The following TM9SF2 variants were observed in gnomAD, a reference collection of about 807,000 sequenced individuals.
TM9SF2 encodes 76 kDa membrane protein.
A neutral mutation model predicts 84.9 loss-of-function variants in TM9SF2; 13 were observed. The ratio of observed to expected loss-of-function variants is 0.15; its 90% CI spans 0.10 to 0.24. TM9SF2 has a LOEUF of 0.24. Ranked by LOEUF, TM9SF2 falls within the 10% of genes least tolerant of loss-of-function variation. The probability of loss-of-function intolerance (pLI) is 1.00; values close to 1 mark genes in which losing one functional copy is unlikely to be tolerated. For missense variants in TM9SF2, 562 were observed against 818.5 expected (o/e 0.69, Z 3.82); for synonymous variants, 273 against 285.8 (o/e 0.96, Z 0.45).
chr13:99,554,363 C>G lies in TM9SF2; in HGVS notation c.1548C>G (p.Phe516Leu), dbSNP rs755033376. ...QIPRQIPEQS[F>L]YTKPLPGIIM... is the part of the protein sequence containing the mutation. ...CACGTCAGATTCCTGAACAGTCGTT[C>G]TACACGAAGCCCTTGCCTGGTATTA... The change falls in exon 14 of 17, where the codon TTC becomes TTG. Residue 516 changes from phenylalanine (F) to leucine (L), a missense_variant. Coordinates refer to ENST00000376387, the MANE Select transcript of TM9SF2 (RefSeq NM_004800.3). The G allele has an allele frequency of 6.2e-7, 1 of 1,614,200 alleles. No individual in the cohort carries two copies. Among genetic ancestry groups the G allele is most frequent in the Admixed American group, 1.7e-5 (1 of 60,022 alleles).
chr13:99,555,617 A>C lies in TM9SF2; in HGVS notation c.1722A>C (p.Ile574=), dbSNP rs780827687. Reference sequence around the variant, plus strand: ...TTATTACCTGTTCTGAAGCAACTATACTTCTTTGCTATTTCCACCTATGTG... The same window carrying C: ...TTATTACCTGTTCTGAAGCAACTATCCTTCTTTGCTATTTCCACCTATGTG... ...ILVITCSEAT[I]LLCYFHLCAE... Residue 574 remains isoleucine (I), a synonymous_variant, in exon 15 of 17, where the codon ATA becomes ATC. Coordinates refer to ENST00000376387, the MANE Select transcript of TM9SF2 (RefSeq NM_004800.3). The C allele has an allele frequency of 6.2e-7, 1 of 1,613,826 alleles. No homozygotes were observed. The highest frequency in any genetic ancestry group is 1.1e-5 in the South Asian group (1 of 91,068).
rs2046227339 is a variant in TM9SF2, at chr13:99,534,929, CACTTGAGCCCAGGA to C, written c.462-1678_462-1665del. Among the ~76,000 whole-genome samples the C allele has an allele frequency of 3.3e-5, 5 of 152,276 alleles. No homozygotes were observed. In the South Asian group the frequency reaches 1.0e-3, roughly 32 times the overall value. On this transcript the variant is annotated intron_variant, in intron 4 of 16. Transcript: ENST00000376387. ...CTTTGGGAGACCAGGGTAGGAGGAC[CACTTGAGCCCAGGA>C]GTTTGAGACCAGCCCTGGCAACATA...
chr13:99,553,287 C>T (rs571180110), intron 13 of TM9SF2, among the ~76,000 whole-genome samples: 3 of 152,350 alleles, frequency 2.0e-5, no homozygotes. Flanking sequence ...CTGGCAGAAG[C>T]TGGCACTGTT....
At chr13:99,537,980 A>C (rs2046241594) in intron 6 of TM9SF2, 117 bp downstream of exon 6, 1 of 1,349,830 alleles carries the variant, frequency 7.4e-7, no homozygotes, top group African/African-American at 1.5e-5. Context: ...GATTTCACTA[A>C]AACTCCCTTT....
At chr13:99,521,008 C>G (rs1396914127) in intron 3 of TM9SF2, among the ~76,000 whole-genome samples, 1 of 152,176 alleles carries the variant, frequency 6.6e-6, no homozygotes, top group Non-Finnish European at 1.5e-5. Flanking sequence ...GCCTTTAAAT[C>G]TGTTATCTTT....
chr13:99,520,337 G>T (rs754316656), intron 3 of TM9SF2, among the ~76,000 whole-genome samples: 1 of 152,038 alleles, frequency 6.6e-6, no homozygotes, highest in African/African-American at 2.4e-5. Context: ...GAACATTCAC[G>T]CAACTAATGT....
chr13:99,550,055 C>T (rs546541200), intron 12 of TM9SF2, among the ~76,000 whole-genome samples: 11 of 152,334 alleles, frequency 7.2e-5, no homozygotes, highest in African/African-American at 2.6e-4. Flanking sequence ...ACGAAGGTGT[C>T]CGTCCTTACC....
chr13:99,536,843 T>A, intron 5 of TM9SF2, 106 bp downstream of exon 5: 1 of 1,259,340 alleles, frequency 7.9e-7, no homozygotes, highest in Non-Finnish European at 1.1e-6. Flanking sequence ...AGTGTACAGT[T>A]CAGATGTTCT....
intron 1 of TM9SF2, among the ~76,000 whole-genome samples, chr13:99,506,256 G>T (rs1390359104): frequency 6.6e-6 from 1 of 152,134 alleles, no homozygotes; most frequent in Non-Finnish European, 1.5e-5. Flanking sequence ...TTTGACCATA[G>T]AAGTAGTTTG....
At chr13:99,524,240 A>G (rs979220528) in intron 3 of TM9SF2, among the ~76,000 whole-genome samples, 2 of 152,194 alleles carry the variant, frequency 1.3e-5, no homozygotes, top group Non-Finnish European at 2.9e-5. Context: ...GGGAGAAGCC[A>G]GGAGACCAGT....
At chr13:99,545,345 TA>T (rs1474125846) in intron 10 of TM9SF2, among the ~76,000 whole-genome samples, 1 of 152,136 alleles carries the variant, frequency 6.6e-6, no homozygotes, top group Non-Finnish European at 1.5e-5. Context: ...CTTTTTTTTT[TA>T]ATCTACTAAC....
intron 14 of TM9SF2, 78 bp from the exon 15 acceptor site, chr13:99,555,458 G>C: frequency 9.0e-7 from 1 of 1,109,866 alleles, no homozygotes; most frequent in Non-Finnish European, 1.3e-6. Flanking sequence ...TTCAGTTCAA[G>C]AAGAATGAAA....
intron 1 of TM9SF2, 41 bp from the exon 2 acceptor site, chr13:99,517,573 C>G (rs368246143): frequency 1.5e-4 from 204 of 1,356,480 alleles, no homozygotes; most frequent in Non-Finnish European, 2.0e-4. Context: ...GGCTTTGTGT[C>G]CTGTTGTTTA....
At chr13:99,502,149 C>T (rs2046069144) in intron 1 of TM9SF2, among the ~76,000 whole-genome samples, 1 of 152,218 alleles carries the variant, frequency 6.6e-6, no homozygotes, top group Non-Finnish European at 1.5e-5. Flanking sequence ...GCTCACAGCC[C>T]TGTAACATGT....
chr13:99,533,337 ATG>A (rs371754885), intron 4 of TM9SF2, among the ~76,000 whole-genome samples: 27 of 152,326 alleles, frequency 1.8e-4, no homozygotes, highest in African/African-American at 6.0e-4. Context: ...ATTATTTCTC[ATG>A]TGTGTTTCTA....
At chr13:99,535,474 ATTAT>A (rs1566568818) in intron 4 of TM9SF2, among the ~76,000 whole-genome samples, 1 of 152,294 alleles carries the variant, frequency 6.6e-6, no homozygotes, top group South Asian at 2.1e-4. Context: ...GAAAATCTGA[ATTAT>A]TTATTCTATA....
chr13:99,559,618 A>G (rs1424650085), intron 16 of TM9SF2, 84 bp downstream of exon 16: 2 of 1,293,154 alleles, frequency 1.5e-6, no homozygotes, highest in Admixed American at 2.5e-5. Context: ...TTTAAAACCC[A>G]TGAAGGCTTA....
At position 99,529,489 on chromosome 13, in the gene TM9SF2, C is replaced by T; in HGVS notation, c.356C>T (p.Thr119Ile). The T allele has an allele frequency of 1.9e-6, 3 of 1,580,466 alleles. No homozygotes were observed. Among genetic ancestry groups the T allele is most frequent in the Admixed American group, 3.9e-5 (2 of 51,566 alleles). ...PYKFTFNKKETCKLVCTKTYH... is the reference protein window; with the variant it reads ...PYKFTFNKKEICKLVCTKTYH... The stretch of plus-strand genomic sequence containing the variant: ...CAGTTTACGTTTAATAAGAAGGAGA[C>T]CTGTAAGCTTGTTTGTACAAAAACA... Residue 119 changes from threonine to isoleucine, a missense_variant, in exon 4 of 17, where the codon ACC becomes ATC. Physicochemically the swap from Thr to Ile is moderately conservative, Grantham distance 89 (BLOSUM62 -1). Coordinates refer to ENST00000376387, the MANE Select transcript of TM9SF2 (RefSeq NM_004800.3).
chr13:99,516,519 GTCA>G (rs2046135365), intron 1 of TM9SF2, among the ~76,000 whole-genome samples: 1 of 152,204 alleles, frequency 6.6e-6, no homozygotes, highest in African/African-American at 2.4e-5. Context: ...AGTAAATTCT[GTCA>G]TGAGTAGCCT....
Sources: gnomAD v4.1 joint callset for allele counts (sites outside exome capture counted in the v4.1 genomes callset) on GRCh38, gnomAD v4.1.1 for gene constraint, MANE v1.5 for transcripts, NCBI Gene and HGNC (gene_info 2026-07-23, HGNC 2026-07-21) for gene names.